The following RYR3 variants were observed in gnomAD, a reference collection of about 807,000 sequenced individuals.
The protein encoded by RYR3 is ryanodine receptor 3, also known as brain ryanodine receptor-calcium release channel.
RYR3 carries 207 observed loss-of-function variants against 584.3 expected under a neutral mutation model. That is an observed-to-expected ratio of 0.35 (90% confidence interval 0.32 to 0.40). The LOEUF is 0.40. Among genes scored for constraint, RYR3 ranks in the 10% least tolerant of loss-of-function variants. The pLI, the probability that RYR3 is intolerant of heterozygous loss-of-function variation, is 1.00. For missense variants in RYR3, 5,616 were observed against 6,089.2 expected, an observed-to-expected ratio of 0.92 and a Z score of 2.59; for synonymous variants, 2,416 against 2,248.5, an observed-to-expected ratio of 1.07 and a Z score of -2.11.
intron 1 of RYR3, among the ~76,000 whole-genome samples, chr15:33,371,001 C>T (rs1017319223): frequency 6.6e-6 from 1 of 152,178 alleles, no homozygotes; most frequent in Admixed American, 6.5e-5. Flanking sequence ...CAGTTTCTGG[C>T]ACAAAGAAGA....
intron 48 of RYR3, among the ~76,000 whole-genome samples, chr15:33,734,515 G>C (rs578187908): frequency 6.6e-6 from 1 of 152,172 alleles, no homozygotes; most frequent in Non-Finnish European, 1.5e-5. Flanking sequence ...CTGCGATCGT[G>C]TTCCACCTTT....
intron 11 of RYR3, among the ~76,000 whole-genome samples, chr15:33,566,448 A>G (rs2057720038): frequency 6.6e-6 from 1 of 152,238 alleles, no homozygotes; most frequent in African/African-American, 2.4e-5. Flanking sequence ...CCATGGTGGC[A>G]CATAAAGTTT....
At chr15:33,865,010 G>A (rs896577794) in intron 103 of RYR3, 121 bp from the exon 104 acceptor site, 5 of 679,998 alleles carry the variant, frequency 7.4e-6, no homozygotes, top group Non-Finnish European at 1.0e-5. Flanking sequence ...GAATGTGCAG[G>A]TTTGGCCTCA....
At position 33,731,595 on chromosome 15, in the gene RYR3, T is replaced by A. The variant is rs1178945204; in HGVS notation, c.7325T>A (p.Ile2442Asn). The A allele has an allele frequency of 2.5e-6, 4 of 1,613,888 alleles. No individual in the cohort carries two copies. Among genetic ancestry groups the A allele is most frequent in the Non-Finnish European group, 3.4e-6 (4 of 1,179,748 alleles). ...FAGTEHCTSL[I>N]DSTLQTIYRL... is the part of the protein sequence containing the mutation. ...GGAACAGAACACTGCACCTCTCTGA[T>A]TGATTCCACACTGCAGACAATATAC... The change falls in exon 48 of 104, where the codon ATT becomes AAT. Residue 2442 changes from isoleucine to asparagine, a missense_variant. Transcript: ENST00000634891.
intron 18 of RYR3, among the ~76,000 whole-genome samples, chr15:33,605,532 A>C (rs976819478): frequency 2.0e-5 from 3 of 152,300 alleles, no homozygotes; most frequent in Admixed American, 6.5e-5. Context: ...GTATATTGGC[A>C]TGTAGGTGCA....
At chr15:33,516,885 TAA>T (rs538847139) in intron 3 of RYR3, among the ~76,000 whole-genome samples, 3 of 149,804 alleles carry the variant, frequency 2.0e-5, no homozygotes, top group African/African-American at 7.3e-5. Context: ...CAGAATGGCT[TAA>T]AAAAAAAATA....
At chr15:33,625,380 C>A (rs1350428284) in intron 20 of RYR3, among the ~76,000 whole-genome samples, 2 of 152,120 alleles carry the variant, frequency 1.3e-5, no homozygotes, top group African/African-American at 4.8e-5. Context: ...TATTTCTCTG[C>A]CTGCTTCACA....
At chr15:33,666,814 A>C (rs1343371987) in intron 36 of RYR3, among the ~76,000 whole-genome samples, 1 of 152,216 alleles carries the variant, frequency 6.6e-6, no homozygotes. Context: ...GGACGTTATT[A>C]AAGGGCATGA....
At chr15:33,685,395 ACTAT>A (rs1164144703) in intron 38 of RYR3, among the ~76,000 whole-genome samples, 2 of 152,220 alleles carry the variant, frequency 1.3e-5, no homozygotes, top group African/African-American at 4.8e-5. Context: ...AGAAGAGCTA[ACTAT>A]CCTAAATATA....
chr15:33,516,573 T>C (rs2053542980), intron 3 of RYR3, among the ~76,000 whole-genome samples: 1 of 152,154 alleles, frequency 6.6e-6, no homozygotes, highest in African/African-American at 2.4e-5. Flanking sequence ...TGACCTCAAG[T>C]GATCCACCCA....
intron 28 of RYR3, among the ~76,000 whole-genome samples, chr15:33,645,049 T>TATAA (rs2062024833): frequency 6.6e-6 from 1 of 152,066 alleles, no homozygotes; most frequent in African/African-American, 2.4e-5. Flanking sequence ...AATTTAAAAG[T>TATAA]TCCATACCTA....
At chr15:33,607,883 T>G (rs2059986604) in intron 18 of RYR3, among the ~76,000 whole-genome samples, 1 of 152,170 alleles carries the variant, frequency 6.6e-6, no homozygotes, top group South Asian at 2.1e-4. Context: ...CTATATAGAT[T>G]AATTGATTCA....
chr15:33,825,254 A>G (rs376892928), intron 81 of RYR3, among the ~76,000 whole-genome samples: 7 of 92,204 alleles, frequency 7.6e-5, no homozygotes, highest in African/African-American at 2.4e-4. Context: ...AAATCTTAAA[A>G]ACAGATTATT....
intron 52 of RYR3, among the ~76,000 whole-genome samples, chr15:33,745,054 A>G (rs1440882072): frequency 6.6e-6 from 1 of 152,148 alleles, no homozygotes; most frequent in East Asian, 1.9e-4. Context: ...TGGTGGCCTG[A>G]ACTAACATAC....
In RYR3 at chr15:33,662,213, G is replaced by C; in HGVS notation, c.4683G>C (p.Thr1561=). The change falls in exon 35 of 104, where the codon ACG becomes ACC. Residue 1561 remains threonine (T), a synonymous_variant. Transcript: ENST00000634891. ...QEDLMRFHYH[T]LRLYSAVCAL... ...ACCTGATGCGGTTCCATTACCACAC[G>C]CTGAGGCTCTACAGCGCGGTGTGCG... is the stretch of plus-strand genomic sequence containing the variant. 6.2e-7 allele frequency: 1 copy of C among 1,608,218 alleles called. No individual in the cohort carries two copies. Among genetic ancestry groups the C allele is most frequent in the Non-Finnish European group, 8.5e-7 (1 of 1,177,848 alleles).
Position 33,580,091 on chromosome 15 carries a change from A to G in RYR3, c.1384A>G (p.Lys462Glu). 2 of 1,613,420 alleles carry G rather than the reference A, an allele frequency of 1.2e-6. No individual in the cohort carries two copies. The highest frequency in any genetic ancestry group is 1.7e-6 in the Non-Finnish European group (2 of 1,179,622). ...PPEEEMRHED[K>E]QNKLRSLKNR... The stretch of plus-strand genomic sequence containing the variant: ...AGAGGAGGAGATGCGACATGAAGAC[A>G]AGCAGAACAAGCTCCGCTCACTCAA... Residue 462 changes from lysine to glutamate, a missense_variant, in exon 13 of 104, where the codon AAG becomes GAG. Lys to Glu is a moderately conservative substitution (Grantham distance 56). Coordinates refer to ENST00000634891, the MANE Select transcript of RYR3 (RefSeq NM_001036.6).
intron 1 of RYR3, among the ~76,000 whole-genome samples, chr15:33,343,352 T>C (rs990070349): frequency 7.2e-5 from 11 of 152,216 alleles, no homozygotes; most frequent in African/African-American, 2.7e-4. Flanking sequence ...CCCTTCATCT[T>C]CTATTCCCTA....
At chr15:33,813,144 T>C (rs1461743566) in intron 73 of RYR3, 150 bp downstream of exon 73, 2 of 965,968 alleles carry the variant, frequency 2.1e-6, no homozygotes, top group Admixed American at 2.7e-5. Context: ...CCACGTGCCA[T>C]CTCGATGCCC....
chr15:33,725,990 A>AC lies in RYR3; in HGVS notation c.6913-396_6913-395insC, dbSNP rs1175182482. Among the ~76,000 whole-genome samples the AC allele has an allele frequency of 1.2e-4, 17 of 140,912 alleles. 2 individuals carry two copies. Among genetic ancestry groups the AC allele is most frequent in the East Asian group, 6.1e-4 (3 of 4,902 alleles). The allele number at this position is 140,912 out of a possible 152,430, so 92.4% of individuals were successfully genotyped here. A position where few individuals can be genotyped will look rare whatever the true frequency, so the allele number is the denominator to read the frequency against. On this transcript the variant is annotated intron_variant, in intron 45 of 103. Transcript: ENST00000634891. ...ATCCCCCCCCCCAAAAAAAAAAAAA[A>AC]AAAAAAACAGAATTCTAGAGTCTGG...
Sources: allele counts gnomAD v4.1 joint callset (sites outside exome capture counted in the v4.1 genomes callset), GRCh38; gene constraint gnomAD v4.1.1; transcripts MANE v1.5; gene names NCBI Gene and HGNC (gene_info 2026-07-23, HGNC 2026-07-21).